The following ANKRD13C variants were observed in gnomAD, a reference collection of about 807,000 sequenced individuals.
ANKRD13C encodes the protein ankyrin repeat domain-containing protein 13C.
Under a neutral mutation model 65.5 loss-of-function variants are expected in ANKRD13C, and 16 were observed. The observed-to-expected ratio is 0.24, with a 90% CI of 0.17 to 0.37. The LOEUF (loss-of-function observed/expected upper bound fraction) is 0.37. Ranked by LOEUF, ANKRD13C falls within the 10% of genes least tolerant of loss-of-function variation. ANKRD13C has a pLI of 1.00. For missense variants in ANKRD13C, 503 were observed against 655.9 expected, an observed-to-expected ratio of 0.77 and a Z score of 2.55; for synonymous variants, 235 against 238.7, an observed-to-expected ratio of 0.98 and a Z score of 0.14.
At chr1:70,321,598 A>G (rs1681311679) in intron 3 of ANKRD13C, among the ~76,000 whole-genome samples, 1 of 152,170 alleles carries the variant, frequency 6.6e-6, no homozygotes, top group South Asian at 2.1e-4. Flanking sequence ...CCCAGAGTGC[A>G]TAAAGAAACC....
chr1:70,299,014 G>C (rs1202766439), intron 7 of ANKRD13C, among the ~76,000 whole-genome samples: 2 of 151,242 alleles, frequency 1.3e-5, no homozygotes, highest in African/African-American at 4.9e-5. Flanking sequence ...GAGGAGCTTA[G>C]ACCAATAGAA....
At chr1:70,277,200 G>C (rs564906719) in intron 9 of ANKRD13C, among the ~76,000 whole-genome samples, 2 of 152,332 alleles carry the variant, frequency 1.3e-5, no homozygotes, top group East Asian at 3.9e-4. Flanking sequence ...GCTCATGCCG[G>C]TAATCCCAGC....
chr1:70,330,168 G>C, intron 2 of ANKRD13C, among the ~76,000 whole-genome samples: 1 of 151,544 alleles, frequency 6.6e-6, no homozygotes, highest in East Asian at 1.9e-4. Flanking sequence ...AAAGAAGGTA[G>C]TTAACAACTA....
chr1:70,326,231 CAAAAAAAAAAAAAAAAAAAAAAAAA>C (rs59618915), intron 2 of ANKRD13C, among the ~76,000 whole-genome samples: 2 of 31,070 alleles, frequency 6.4e-5, no homozygotes, highest in Admixed American at 1.2e-3. Flanking sequence ...AACTCTGTCT[CAAAAAAAAAAAAAAAAAAAAAAAAA>C]AAAAAAAAGA....
At chr1:70,275,961 C>CAA (rs1209279880) in intron 10 of ANKRD13C, among the ~76,000 whole-genome samples, 819 of 36,986 alleles carry the variant, frequency 0.022, 14 homozygotes, top group African/African-American at 0.045. Flanking sequence ...GACTCCATCT[C>CAA]AAAAAAAAAA....
intron 12 of ANKRD13C, among the ~76,000 whole-genome samples, chr1:70,267,357 T>C (rs1229420584): frequency 6.6e-6 from 1 of 152,194 alleles, no homozygotes; most frequent in Admixed American, 6.6e-5. Flanking sequence ...AATTGGATCA[T>C]GGTTTTTGTT....
chr1:70,315,158 A>T (rs1182390462), intron 4 of ANKRD13C, among the ~76,000 whole-genome samples: 2 of 152,216 alleles, frequency 1.3e-5, no homozygotes, highest in South Asian at 2.1e-4. Flanking sequence ...CACTTCTAGT[A>T]GCAATGGCTT....
At chr1:70,313,425 G>A (rs948073012) in intron 5 of ANKRD13C, among the ~76,000 whole-genome samples, 17 of 151,842 alleles carry the variant, frequency 1.1e-4, no homozygotes, top group African/African-American at 4.1e-4. Flanking sequence ...AGCTACTCAG[G>A]AGGCTGAGCG....
chr1:70,289,631 T>C (rs529340772), intron 9 of ANKRD13C, among the ~76,000 whole-genome samples: 4 of 150,974 alleles, frequency 2.6e-5, no homozygotes, highest in East Asian at 3.9e-4. Context: ...CACGCCCGGC[T>C]AATTTTTTTT....
At chr1:70,325,124 G>A (rs888562014) in intron 2 of ANKRD13C, among the ~76,000 whole-genome samples, 167 bp from the exon 3 acceptor site, 1 of 152,070 alleles carries the variant, frequency 6.6e-6, no homozygotes, top group African/African-American at 2.4e-5. Context: ...AACTAAACCA[G>A]GTAATTTCAG....
rs1306566755 is a variant in ANKRD13C, at chr1:70,261,484, AT to A, written c.*1232del. The A allele has an allele frequency of 6.6e-6, 1 of 152,062 alleles. No homozygotes were observed. Among genetic ancestry groups the A allele is most frequent in the African/African-American group, 2.4e-5 (1 of 41,446 alleles). 9.4% of individuals were successfully genotyped at this position (152,062 alleles called of 1,614,324 possible). A position where few individuals can be genotyped will look rare whatever the true frequency, so the allele number is the denominator to read the frequency against. On this transcript the variant is annotated 3_prime_UTR_variant, in exon 13 of 13. Coordinates refer to ENST00000370944, the MANE Select transcript of ANKRD13C (RefSeq NM_030816.5). Reference sequence around the variant, plus strand: ...GATACTTTATAACTGTTATACATTAATCCCCCTAATTTATTTTCATACTTGG... The same window carrying A: ...GATACTTTATAACTGTTATACATTAACCCCCTAATTTATTTTCATACTTGG...
Position 70,354,620 on chromosome 1 carries a change from C to T in ANKRD13C, c.-212G>A. 1 of 1,212,862 alleles carries T rather than the reference C, an allele frequency of 8.2e-7. No homozygotes were observed. Among genetic ancestry groups the T allele is most frequent in the Non-Finnish European group, 1.1e-6 (1 of 898,150 alleles). 75.1% of individuals were successfully genotyped at this position (1,212,862 alleles called of 1,614,324 possible). A position where few individuals can be genotyped will look rare whatever the true frequency, so the allele number is the denominator to read the frequency against. On this transcript the variant is annotated 5_prime_UTR_variant, in exon 1 of 13. Transcript: ENST00000370944. Reference sequence around the variant, plus strand: ...AGGGACGCGCGCTCGCTGGGGGAAGCTAGAACTCAGGTGCCCACGACACCA... The same window carrying T: ...AGGGACGCGCGCTCGCTGGGGGAAGTTAGAACTCAGGTGCCCACGACACCA...
Position 70,354,583 on chromosome 1 carries a change from G to C in ANKRD13C, c.-175C>G. 2.9e-6 allele frequency: 4 copies of C among 1,399,892 alleles called. No homozygotes were observed. In the South Asian group the frequency reaches 4.5e-5, roughly 16 times the overall value. The allele number at this position is 1,399,892 out of a possible 1,614,324, so 86.7% of individuals were successfully genotyped here. ...ATCTCCCGGGGAAGAGCCGGCTCTC[G>C]CCTAGGCACGAAGGGACGCGCGCTC... On this transcript the variant is annotated 5_prime_UTR_variant, in exon 1 of 13. Transcript: ENST00000370944.
intron 9 of ANKRD13C, among the ~76,000 whole-genome samples, chr1:70,285,330 T>A (rs967397119): frequency 4.6e-5 from 7 of 151,526 alleles, no homozygotes; most frequent in Non-Finnish European, 1.0e-4. Context: ...GTAGCTGGGA[T>A]TACAGGCACG....
chr1:70,267,394 C>A (rs985297872), intron 12 of ANKRD13C, among the ~76,000 whole-genome samples: 4 of 152,052 alleles, frequency 2.6e-5, no homozygotes, highest in Admixed American at 6.5e-5. Flanking sequence ...TTGAAACAAT[C>A]CTGCTCTGTC....
chr1:70,317,444 T>C (rs1681118979), intron 3 of ANKRD13C, among the ~76,000 whole-genome samples: 1 of 152,172 alleles, frequency 6.6e-6, no homozygotes, highest in Admixed American at 6.5e-5. Context: ...CTTCCTACTT[T>C]TGGTTTCAAA....
At position 70,296,356 on chromosome 1, in the gene ANKRD13C, T is replaced by A. The variant is rs945668839; in HGVS notation, c.922-95A>T. On this transcript the variant is annotated intron_variant, in intron 7 of 12. Transcript: ENST00000370944. ...ATATCAACAATTATAATGGTACCAA[T>A]TTTTAAAGACAAAAAGGATAGTTTC... 5.7e-6 allele frequency: 7 copies of A among 1,237,966 alleles called. No homozygotes were observed. In the African/African-American group the frequency reaches 1.1e-4, roughly 19 times the overall value. The allele number at this position is 1,237,966 out of a possible 1,614,324, so 76.7% of individuals were successfully genotyped here.
intron 8 of ANKRD13C, 90 bp from the exon 9 acceptor site, chr1:70,292,639 G>A (rs1679909414): frequency 9.6e-6 from 9 of 937,740 alleles, no homozygotes; most frequent in African/African-American, 1.7e-5. Context: ...GTAACATGTA[G>A]GTGAAAATAA....
At chr1:70,332,790 T>C (rs2101577762) in intron 2 of ANKRD13C, among the ~76,000 whole-genome samples, 1 of 152,222 alleles carries the variant, frequency 6.6e-6, no homozygotes, top group Admixed American at 6.5e-5. Flanking sequence ...AACAGGCTGA[T>C]ATAAACCGAT....
Sources: allele counts gnomAD v4.1 joint callset (sites outside exome capture counted in the v4.1 genomes callset), GRCh38; gene constraint gnomAD v4.1.1; transcripts MANE v1.5; gene names NCBI Gene and HGNC (gene_info 2026-07-23, HGNC 2026-07-21).